The following CACNG4 variants were observed in gnomAD, a reference collection of about 807,000 sequenced individuals.
CACNG4 encodes voltage-dependent calcium channel gamma-4 subunit.
A neutral mutation model predicts 22.9 loss-of-function variants in CACNG4; 8 were observed. The observed-to-expected ratio is 0.35, with a 90% CI of 0.21 to 0.63. The LOEUF is 0.63. Ranked by LOEUF, CACNG4 falls within the 30% of genes least tolerant of loss-of-function variation. The probability of loss-of-function intolerance (pLI) is 0.72; values close to 1 mark genes in which losing one functional copy is unlikely to be tolerated. For missense variants in CACNG4, 357 were observed against 455.4 expected, an observed-to-expected ratio of 0.78 and a Z score of 1.97; for synonymous variants, 188 against 191.9, an observed-to-expected ratio of 0.98 and a Z score of 0.17.
intron 1 of CACNG4, among the ~76,000 whole-genome samples, chr17:66,969,967 G>T (rs149583950): frequency 1.3e-4 from 20 of 152,270 alleles, no homozygotes; most frequent in African/African-American, 4.1e-4. Context: ...GTCAGAACAG[G>T]CACCCCTTCC....
chr17:66,988,097 A>T (rs1339394454), intron 1 of CACNG4, among the ~76,000 whole-genome samples: 3 of 151,572 alleles, frequency 2.0e-5, no homozygotes, highest in Non-Finnish European at 4.4e-5. Context: ...AACTGCACAC[A>T]GTGTGGTCAC....
intron 1 of CACNG4, among the ~76,000 whole-genome samples, chr17:66,975,300 A>T (rs1218858924): frequency 6.6e-6 from 1 of 151,776 alleles, no homozygotes; most frequent in African/African-American, 2.4e-5. Context: ...TCTTCATTCC[A>T]GCTCCCCCTT....
chr17:66,965,455 G>C (rs899902195), intron 1 of CACNG4, among the ~76,000 whole-genome samples: 1 of 151,180 alleles, frequency 6.6e-6, no homozygotes, highest in Non-Finnish European at 1.5e-5. Context: ...TCAAGCACGC[G>C]CGCGTAGCCC....
chr17:67,004,608 G>C (rs2035426943), intron 1 of CACNG4, among the ~76,000 whole-genome samples: 1 of 152,192 alleles, frequency 6.6e-6, no homozygotes, highest in African/African-American at 2.4e-5. Flanking sequence ...CTGGGCTTTG[G>C]AGCCCTGGAA....
At chr17:67,000,365 G>C (rs1038636758) in intron 1 of CACNG4, among the ~76,000 whole-genome samples, 1 of 151,430 alleles carries the variant, frequency 6.6e-6, no homozygotes, top group Admixed American at 6.6e-5. Context: ...CGCCTGGGCT[G>C]TCCTGTGCCT....
At chr17:66,972,862 G>T (rs1318380573) in intron 1 of CACNG4, among the ~76,000 whole-genome samples, 4 of 152,136 alleles carry the variant, frequency 2.6e-5, no homozygotes, top group Non-Finnish European at 5.9e-5. Context: ...GGAGGCAGAG[G>T]TTGCAGTGAG....
chr17:67,018,647 T>G (rs2035514623), intron 2 of CACNG4, among the ~76,000 whole-genome samples: 1 of 152,114 alleles, frequency 6.6e-6, no homozygotes, highest in South Asian at 2.1e-4. Context: ...TGGGCCTCCC[T>G]GAGGGGTGTG....
chr17:66,968,828 A>G (rs2035187334), intron 1 of CACNG4, among the ~76,000 whole-genome samples: 1 of 122,548 alleles, frequency 8.2e-6, no homozygotes. Context: ...TTTCTCTTTC[A>G]GTCTTTGTCT....
chr17:66,965,188 A>T, intron 1 of CACNG4, 57 bp downstream of exon 1: 1 of 908,908 alleles, frequency 1.1e-6, no homozygotes, highest in Non-Finnish European at 1.6e-6. Flanking sequence ...ACACACACAT[A>T]TACACACGCG....
At chr17:66,996,816 A>G (rs1220687208) in intron 1 of CACNG4, among the ~76,000 whole-genome samples, 1 of 152,202 alleles carries the variant, frequency 6.6e-6, no homozygotes, top group Non-Finnish European at 1.5e-5. Flanking sequence ...GGTTACAATG[A>G]CAGGGATGTG....
At position 67,032,269 on chromosome 17, in the gene CACNG4, G is replaced by T. The variant is rs2086750412; in HGVS notation, c.*1265G>T. On this transcript the variant is annotated 3_prime_UTR_variant, in exon 4 of 4. Transcript: ENST00000262138. ...GTTTCTGTGTTTTACAGTTTTTCCA[G>T]CCATTCTTTTCTTCCCCCTCCTGAA... 3.1e-6 allele frequency: 1 copy of T among 326,248 alleles called. No individual in the cohort carries two copies. Among genetic ancestry groups the T allele is most frequent in the East Asian group, 8.1e-5 (1 of 12,278 alleles). 20.2% of individuals were successfully genotyped at this position (326,248 alleles called of 1,614,324 possible). A position where few individuals can be genotyped will look rare whatever the true frequency, so the allele number is the denominator to read the frequency against.
intron 1 of CACNG4, among the ~76,000 whole-genome samples, chr17:66,970,560 C>T (rs2035197541): frequency 6.6e-6 from 1 of 152,160 alleles, no homozygotes; most frequent in African/African-American, 2.4e-5. Flanking sequence ...CAGGGTTTCT[C>T]AGCCTTTGCA....
At chr17:66,983,297 C>T (rs367724130) in intron 1 of CACNG4, among the ~76,000 whole-genome samples, 3 of 152,344 alleles carry the variant, frequency 2.0e-5, no homozygotes, top group African/African-American at 7.2e-5. Flanking sequence ...TCTTTCTCAG[C>T]CCCATGCTAA....
At chr17:66,975,339 C>T (rs1173112308) in intron 1 of CACNG4, among the ~76,000 whole-genome samples, 2 of 152,170 alleles carry the variant, frequency 1.3e-5, no homozygotes, top group Non-Finnish European at 2.9e-5. Flanking sequence ...CACATGGAAG[C>T]AGCAGCATCA....
At chr17:66,981,458 G>A (rs956186421) in intron 1 of CACNG4, among the ~76,000 whole-genome samples, 1 of 152,190 alleles carries the variant, frequency 6.6e-6, no homozygotes, top group Non-Finnish European at 1.5e-5. Flanking sequence ...ATCTCTGGAG[G>A]AAAGGGAAGG....
chr17:67,003,770 G>C (rs1400504561), intron 1 of CACNG4, among the ~76,000 whole-genome samples: 1 of 152,172 alleles, frequency 6.6e-6, no homozygotes, highest in Admixed American at 6.5e-5. Context: ...ACTAGAGCAG[G>C]CAATGGACAG....
chr17:66,987,667 G>A (rs1419805911), intron 1 of CACNG4, among the ~76,000 whole-genome samples: 1 of 152,172 alleles, frequency 6.6e-6, no homozygotes, highest in Admixed American at 6.5e-5. Context: ...CTTTCCAGAA[G>A]TAACTAGACC....
chr17:66,995,344 T>C (rs1353800516), intron 1 of CACNG4, among the ~76,000 whole-genome samples: 2 of 152,172 alleles, frequency 1.3e-5, no homozygotes, highest in Non-Finnish European at 1.5e-5. Flanking sequence ...ATGAAAGCTT[T>C]GTGATCACAC....
At chr17:67,017,707 G>A (rs1443538647) in intron 1 of CACNG4, among the ~76,000 whole-genome samples, 2 of 151,970 alleles carry the variant, frequency 1.3e-5, no homozygotes, top group African/African-American at 2.4e-5. Context: ...TAGTAGGGAC[G>A]GGGTTTCACC....
Sources: allele counts gnomAD v4.1 joint callset (sites outside exome capture counted in the v4.1 genomes callset), GRCh38; gene constraint gnomAD v4.1.1; transcripts MANE v1.5; gene names NCBI Gene and HGNC (gene_info 2026-07-23, HGNC 2026-07-21).